The following LARP4B variants were observed in gnomAD, a reference collection of about 807,000 sequenced individuals.
LARP4B encodes la-related protein 4B.
In LARP4B, 12 loss-of-function variants were observed where a neutral mutation model predicts 89.8. The ratio of observed to expected loss-of-function variants is 0.13; its 90% CI spans 0.09 to 0.22. The LOEUF is 0.22. LARP4B is among the 10% of genes least tolerant of loss of function. LARP4B has a pLI of 1.00. For missense variants in LARP4B, 757 were observed against 947.7 expected (o/e 0.80, Z 2.64); for synonymous variants, 367 against 363.3 (o/e 1.01, Z -0.12).
At chr10:902,548 A>G (rs1367560805) in intron 1 of LARP4B, among the ~76,000 whole-genome samples, 2 of 152,232 alleles carry the variant, frequency 1.3e-5, no homozygotes, top group African/African-American at 4.8e-5. Flanking sequence ...ACTACCAAGA[A>G]GCATCAAAAC....
intron 3 of LARP4B, among the ~76,000 whole-genome samples, chr10:879,041 T>G (rs1835569478): frequency 6.6e-6 from 1 of 152,230 alleles, no homozygotes; most frequent in Non-Finnish European, 1.5e-5. Context: ...TTTAGCAGCA[T>G]GTAAATCATT....
intron 1 of LARP4B, among the ~76,000 whole-genome samples, chr10:906,116 A>C (rs961770215): frequency 6.6e-6 from 1 of 152,194 alleles, no homozygotes; most frequent in African/African-American, 2.4e-5. Flanking sequence ...ATTAGATATT[A>C]TTTCTTTCCC....
intron 11 of LARP4B, among the ~76,000 whole-genome samples, chr10:826,572 A>G (rs1258964366): frequency 6.6e-6 from 1 of 152,226 alleles, no homozygotes; most frequent in African/African-American, 2.4e-5. Context: ...ATAAGATAAA[A>G]CTTATTGTTA....
the LARP4B span, chr10:971,367 T>A: frequency 1.3e-5 from 2 of 152,300 alleles, no homozygotes; most frequent in East Asian, 1.9e-4. Context: ...CCTCGCTCCT[T>A]ACATGTAGAA....
chr10:906,844 CCT>C (rs1317105113), intron 1 of LARP4B, among the ~76,000 whole-genome samples: 2 of 152,148 alleles, frequency 1.3e-5, no homozygotes, highest in Non-Finnish European at 2.9e-5. Flanking sequence ...AGTTTCTATC[CCT>C]GTCATGAAAC....
chr10:912,117 C>T lies in LARP4B; in HGVS notation c.-40+19311G>A, dbSNP rs563301479. 3.9e-5 allele frequency among the ~76,000 whole-genome samples: 6 copies of T among 152,226 alleles called. No homozygotes were observed. The East Asian group carries it at 7.7e-4, about 20-fold the overall frequency. On this transcript the variant is annotated intron_variant, in intron 1 of 17. Coordinates refer to ENST00000316157, the MANE Select transcript of LARP4B (RefSeq NM_015155.3). ...AAGCTCTGCGTGGCAGGTGTTATGG[C>T]GTTTCCCTCCTTTGGGGGACCCAAG...
At chr10:818,898 G>T (rs903722276) in intron 14 of LARP4B, 6 of 152,226 alleles carry the variant, frequency 3.9e-5, no homozygotes, top group Admixed American at 3.9e-4. Flanking sequence ...GAGAAAATAT[G>T]TCAGAAGTGA....
Position 835,864 on chromosome 10 carries a change from T to TG in LARP4B, c.750+538dup, listed in dbSNP as rs371341063. ...AGGAGAATTGCTTGAGCCTGGGAGATGGAGTTTGCAGTGAGCCGAGGTTGC... is the reference window on the plus strand; with the variant it reads ...AGGAGAATTGCTTGAGCCTGGGAGATGGGAGTTTGCAGTGAGCCGAGGTTGC... On this transcript the variant is annotated intron_variant, in intron 8 of 17. Transcript: ENST00000316157. Among the ~76,000 whole-genome samples the TG allele has an allele frequency of 5.8e-3, 879 of 150,526 alleles. 14 individuals are homozygous for TG. Among genetic ancestry groups the TG allele is most frequent in the African/African-American group, 0.02 (836 of 40,854 alleles).
chr10:835,725 G>T (rs576443886), intron 8 of LARP4B, among the ~76,000 whole-genome samples: 1 of 152,278 alleles, frequency 6.6e-6, no homozygotes, highest in Non-Finnish European at 1.5e-5. Flanking sequence ...ATGAGGTCAG[G>T]AGTTCCAGAC....
At chr10:831,985 A>G (rs894646532) in intron 8 of LARP4B, among the ~76,000 whole-genome samples, 2 of 152,216 alleles carry the variant, frequency 1.3e-5, no homozygotes, top group Non-Finnish European at 2.9e-5. Context: ...ATATCCCATA[A>G]AAGGTAAAGA....
At position 825,914 on chromosome 10, in the gene LARP4B, G is replaced by C. The variant is rs765449053; in HGVS notation, c.1126-44C>G. ...AGACAAGTAAATAAACCATAAAACAGACTTCAATTTCATTAATACCAACAA... is the reference window on the plus strand; with the variant it reads ...AGACAAGTAAATAAACCATAAAACACACTTCAATTTCATTAATACCAACAA... On this transcript the variant is annotated intron_variant, in intron 11 of 17. Transcript: ENST00000316157. The C allele has an allele frequency of 1.9e-5, 24 of 1,288,690 alleles. No homozygotes were observed. In the South Asian group the frequency reaches 2.9e-4, roughly 16 times the overall value. The allele number at this position is 1,288,690 out of a possible 1,614,324, so 79.8% of individuals were successfully genotyped here.
At chr10:949,640 T>C in the LARP4B span, among the ~76,000 whole-genome samples, 1 of 152,282 alleles carries the variant, frequency 6.6e-6, no homozygotes, top group South Asian at 2.1e-4. Flanking sequence ...GCCATGTGGA[T>C]AGATGTGCAG....
intron 1 of LARP4B, among the ~76,000 whole-genome samples, chr10:919,041 A>G (rs1041888191): frequency 6.6e-6 from 1 of 152,232 alleles, no homozygotes; most frequent in African/African-American, 2.4e-5. Flanking sequence ...AGATCAAGCC[A>G]CTGCACTCCA....
chr10:941,639 G>A, the LARP4B span, among the ~76,000 whole-genome samples: 1 of 152,246 alleles, frequency 6.6e-6, no homozygotes, highest in African/African-American at 2.4e-5. Flanking sequence ...CTTTTTAAGC[G>A]ATTGCAATTC....
At chr10:884,658 G>C (rs919061940) in intron 2 of LARP4B, 152 bp from the exon 3 acceptor site, 1 of 569,430 alleles carries the variant, frequency 1.8e-6, no homozygotes, top group Non-Finnish European at 3.1e-6. Context: ...CAGAATGTAG[G>C]AGGCTTAAAA....
chr10:942,321 G>A, the LARP4B span: 1 of 152,230 alleles, frequency 6.6e-6, no homozygotes. Context: ...GAAGCTGCCT[G>A]ATTGCGTGAC....
At chr10:937,470 A>G in the LARP4B span, among the ~76,000 whole-genome samples, 1 of 152,332 alleles carries the variant, frequency 6.6e-6, no homozygotes, top group East Asian at 1.9e-4. Context: ...AAAGCTTATT[A>G]ATTGCTTGTT....
At chr10:984,772 A>G in the LARP4B span, among the ~76,000 whole-genome samples, 30 of 152,234 alleles carry the variant, frequency 2.0e-4, no homozygotes, top group South Asian at 1.2e-3. Flanking sequence ...AAAAATACAA[A>G]AAGTAGCCAG....
the LARP4B span, among the ~76,000 whole-genome samples, chr10:950,314 T>C: frequency 6.6e-6 from 1 of 152,266 alleles, no homozygotes; most frequent in Non-Finnish European, 1.5e-5. Flanking sequence ...TATATTATCA[T>C]GCTGGTAAGA....
Sources: allele counts gnomAD v4.1 joint callset (sites outside exome capture counted in the v4.1 genomes callset), GRCh38; gene constraint gnomAD v4.1.1; transcripts MANE v1.5; gene names NCBI Gene and HGNC (gene_info 2026-07-23, HGNC 2026-07-21).